WWOX: variants seen among roughly 807,000 people sequenced by gnomAD.
WWOX encodes WW domain-containing oxidoreductase.
WWOX carries 69 observed loss-of-function variants against 46.2 expected under a neutral mutation model. The ratio of observed to expected loss-of-function variants is 1.49; its 90% confidence interval spans 1.23 to 1.82. WWOX has a LOEUF of 1.82. Among genes scored for constraint, WWOX ranks in the 40% most tolerant of loss-of-function variants. The pLI is 0.00. For missense variants in WWOX, 919 were observed against 542.6 expected (o/e 1.69, Z -6.89); for synonymous variants, 359 against 202.6 (o/e 1.77, Z -6.56).
intron 3 of WWOX, among the ~76,000 whole-genome samples, chr16:78,113,679 A>G (rs2032619545): frequency 6.6e-6 from 1 of 152,220 alleles, no homozygotes; most frequent in Non-Finnish European, 1.5e-5. Flanking sequence ...TACTTTGGCC[A>G]TAGCTGATTT....
intron 8 of WWOX, among the ~76,000 whole-genome samples, chr16:78,781,215 A>T (rs377107965): frequency 6.6e-6 from 1 of 152,168 alleles, no homozygotes; most frequent in Admixed American, 6.5e-5. Context: ...TCCAAAGCCT[A>T]TGTGGGTGGG....
chr16:78,329,162 G>C (rs2080702505), intron 5 of WWOX, among the ~76,000 whole-genome samples: 1 of 152,090 alleles, frequency 6.6e-6, no homozygotes, highest in Non-Finnish European at 1.5e-5. Flanking sequence ...CACCCAGCCT[G>C]CTGATATATT....
At chr16:78,216,308 A>T (rs547906137) in intron 5 of WWOX, among the ~76,000 whole-genome samples, 39 of 152,344 alleles carry the variant, frequency 2.6e-4, no homozygotes, top group African/African-American at 9.4e-4. Context: ...GAACACTTGC[A>T]GGTTAGAAAA....
chr16:78,790,173 G>T (rs1011629686), intron 8 of WWOX, among the ~76,000 whole-genome samples: 10 of 151,990 alleles, frequency 6.6e-5, no homozygotes, highest in Non-Finnish European at 1.0e-4. Flanking sequence ...GTCTTGCTCT[G>T]TTGCCCGGGC....
chr16:78,744,311 A>C (rs769355330), intron 8 of WWOX, among the ~76,000 whole-genome samples: 1 of 151,998 alleles, frequency 6.6e-6, no homozygotes, highest in African/African-American at 2.4e-5. Context: ...CTCAGAAGGT[A>C]CATGTGACGT....
At chr16:78,122,605 T>C (rs2033150450) in intron 4 of WWOX, among the ~76,000 whole-genome samples, 1 of 151,372 alleles carries the variant, frequency 6.6e-6, no homozygotes, top group Admixed American at 6.6e-5. Flanking sequence ...TTTACATTTT[T>C]TTTCTTTTTT....
intron 6 of WWOX, among the ~76,000 whole-genome samples, chr16:78,392,714 C>G (rs921344793): frequency 6.6e-6 from 1 of 152,124 alleles, no homozygotes; most frequent in Non-Finnish European, 1.5e-5. Context: ...ACTCAATCAA[C>G]TTCGTGTTTA....
intron 8 of WWOX, among the ~76,000 whole-genome samples, chr16:78,762,210 A>C (rs1474275302): frequency 6.6e-6 from 1 of 152,202 alleles, no homozygotes; most frequent in Non-Finnish European, 1.5e-5. Flanking sequence ...GAATTTCCTC[A>C]GCCAAGAGCA....
intron 8 of WWOX, chr16:78,898,953 T>G (rs1597123336): frequency 6.6e-6 from 1 of 152,184 alleles, no homozygotes; most frequent in African/African-American, 2.4e-5. Context: ...TCTAGCAAAC[T>G]GCTCTCATAT....
intron 5 of WWOX, among the ~76,000 whole-genome samples, chr16:78,329,719 T>G (rs1483422842): frequency 1.3e-5 from 2 of 152,118 alleles, no homozygotes; most frequent in Non-Finnish European, 2.9e-5. Context: ...CTGTTTTATG[T>G]TTTATGTTTG....
intron 6 of WWOX, among the ~76,000 whole-genome samples, chr16:78,405,140 C>G (rs1158005069): frequency 6.6e-6 from 1 of 152,028 alleles, no homozygotes; most frequent in Non-Finnish European, 1.5e-5. Context: ...AAGGAAATGA[C>G]AAAAACAAGA....
chr16:78,702,929 G>A (rs1005116951), intron 8 of WWOX, among the ~76,000 whole-genome samples: 3 of 152,146 alleles, frequency 2.0e-5, no homozygotes, highest in Non-Finnish European at 2.9e-5. Flanking sequence ...GATGCCTTGG[G>A]AGCTCTCCTC....
chr16:79,143,574 G>C (rs553095433), intron 8 of WWOX, among the ~76,000 whole-genome samples: 1 of 152,022 alleles, frequency 6.6e-6, no homozygotes, highest in African/African-American at 2.4e-5. Flanking sequence ...AGATCCGTTA[G>C]AAAAAATAGT....
At chr16:78,520,903 C>T (rs1161899199) in intron 8 of WWOX, among the ~76,000 whole-genome samples, 2 of 152,150 alleles carry the variant, frequency 1.3e-5, no homozygotes, top group Admixed American at 6.5e-5. Flanking sequence ...ATGGTGTTAA[C>T]AAGCAAAAGA....
chr16:78,983,018 T>C (rs766025590), intron 8 of WWOX, among the ~76,000 whole-genome samples: 3 of 152,224 alleles, frequency 2.0e-5, no homozygotes, highest in Admixed American at 6.5e-5. Flanking sequence ...AATATATTCC[T>C]TTGTTTCTTT....
chr16:78,693,704 A>T (rs144960201), intron 8 of WWOX, among the ~76,000 whole-genome samples: 1 of 152,048 alleles, frequency 6.6e-6, no homozygotes, highest in Non-Finnish European at 1.5e-5. Flanking sequence ...TGTGCTACTA[A>T]TCGCCCTCTA....
At chr16:78,632,049 C>T (rs116691364) in intron 8 of WWOX, among the ~76,000 whole-genome samples, 2,141 of 152,010 alleles carry the variant, frequency 0.014, 54 homozygotes, top group African/African-American at 0.049. Flanking sequence ...AAATAAAAGT[C>T]TTCTTGGTCC....
intron 8 of WWOX, among the ~76,000 whole-genome samples, chr16:78,678,924 C>G (rs149899847): frequency 1.3e-5 from 2 of 152,260 alleles, no homozygotes; most frequent in African/African-American, 4.8e-5. Flanking sequence ...GCACCGCACA[C>G]TTTGTTCAGA....
At chr16:78,592,003 T>A (rs1044340960) in intron 8 of WWOX, among the ~76,000 whole-genome samples, 6 of 152,220 alleles carry the variant, frequency 3.9e-5, no homozygotes, top group African/African-American at 1.2e-4. Flanking sequence ...ATATCCAGAT[T>A]GATTATCCCT....
Sources: allele counts gnomAD v4.1 joint callset (sites outside exome capture counted in the v4.1 genomes callset), GRCh38; gene constraint gnomAD v4.1.1; transcripts MANE v1.5; gene names NCBI Gene and HGNC (gene_info 2026-07-23, HGNC 2026-07-21).